Variants in EEPD1 observed in about 807,000 individuals in gnomAD.
The protein encoded by EEPD1 is endonuclease/exonuclease/phosphatase family domain containing 1, also known as endonuclease/exonuclease/phosphatase family domain-containing protein 1.
Under a neutral mutation model 46.3 loss-of-function variants are expected in EEPD1, and 17 were observed. The ratio of observed to expected loss-of-function variants is 0.37; its 90% CI spans 0.25 to 0.55. EEPD1 has a LOEUF of 0.55. EEPD1 is among the 20% of genes least tolerant of loss of function. The pLI, the probability that EEPD1 is intolerant of heterozygous loss-of-function variation, is 0.83. For missense variants in EEPD1, 673 were observed against 745.6 expected (o/e 0.90, Z 1.13); for synonymous variants, 313 against 315.6 (o/e 0.99, Z 0.09).
intron 2 of EEPD1, among the ~76,000 whole-genome samples, chr7:36,200,488 C>A (rs1044073555): frequency 6.6e-6 from 1 of 152,124 alleles, no homozygotes; most frequent in Non-Finnish European, 1.5e-5. Flanking sequence ...GTATTTTCTC[C>A]TGCATCACAT....
rs1785186201 is a variant in EEPD1 at position 36,176,700 on chromosome 7, GTATAT to G, written c.878+21500_878+21504del. 2.0e-5 allele frequency among the ~76,000 whole-genome samples: 3 copies of G among 152,078 alleles called. No homozygotes were observed. The South Asian group carries it at 6.2e-4, about 32-fold the overall frequency. On this transcript the variant is annotated intron_variant, in intron 2 of 7. Coordinates refer to ENST00000242108, the MANE Select transcript of EEPD1 (RefSeq NM_030636.3). Reference sequence around the variant, plus strand: ...AGAAACATCTATAATTAAAAAGATAGTATATTGACTTCAGATCATGCTAACTTGAT... The same window carrying G: ...AGAAACATCTATAATTAAAAAGATAGTGACTTCAGATCATGCTAACTTGAT...
intron 2 of EEPD1, among the ~76,000 whole-genome samples, chr7:36,160,682 G>GGGA (rs1491231073): frequency 7.1e-6 from 1 of 139,944 alleles, no homozygotes; most frequent in African/African-American, 2.6e-5. Context: ...GTGGTGGGGG[G>GGGA]CGGGGCGTGC....
rs145065301 is a variant in EEPD1, at chr7:36,195,460, C to T, written c.878+40258C>T. On this transcript the variant is annotated intron_variant, in intron 2 of 7. Coordinates refer to ENST00000242108, the MANE Select transcript of EEPD1 (RefSeq NM_030636.3). ...GTAGAGAAAGCCATCAGAGAAGGCC[C>T]GACACCTTTATAAACTGAGTTTCTA... Among the ~76,000 whole-genome samples, 42 of 152,216 alleles carry T rather than the reference C, an allele frequency of 2.8e-4. No homozygotes were observed. The East Asian group carries it at 5.6e-3, about 20-fold the overall frequency.
At chr7:36,255,767 A>C (rs1313087206) in intron 3 of EEPD1, among the ~76,000 whole-genome samples, 1 of 152,048 alleles carries the variant, frequency 6.6e-6, no homozygotes, top group East Asian at 1.9e-4. Flanking sequence ...TAATCTTTTC[A>C]AAAAACCAGC....
chr7:36,293,449 A>C (rs1787479086), intron 6 of EEPD1, among the ~76,000 whole-genome samples: 1 of 152,278 alleles, frequency 6.6e-6, no homozygotes, highest in Admixed American at 6.5e-5. Flanking sequence ...AGGCCACCGG[A>C]GATGCTAAAT....
At chr7:36,241,380 G>A (rs1786551305) in intron 3 of EEPD1, among the ~76,000 whole-genome samples, 1 of 152,130 alleles carries the variant, frequency 6.6e-6, no homozygotes, top group South Asian at 2.1e-4. Context: ...GGCGGAAGCA[G>A]GAGAATTCCT....
At position 36,156,275 on chromosome 7, in the gene EEPD1, C is replaced by T. The variant is rs144924521; in HGVS notation, c.878+1073C>T. Among the ~76,000 whole-genome samples the T allele has an allele frequency of 4.2e-3, 637 of 152,242 alleles. 6 individuals carry two copies. The highest frequency in any genetic ancestry group is 0.015 in the African/African-American group (607 of 41,530). ...CCAGGAAAATTAGTGAGGAGAAAAG[C>T]AGGTCACAACGTTTCCTTGGCACTG... On this transcript the variant is annotated intron_variant, in intron 2 of 7. Coordinates refer to ENST00000242108, the MANE Select transcript of EEPD1 (RefSeq NM_030636.3).
intron 2 of EEPD1, among the ~76,000 whole-genome samples, chr7:36,167,565 C>G (rs1374577122): frequency 6.6e-6 from 1 of 152,126 alleles, no homozygotes; most frequent in Non-Finnish European, 1.5e-5. Context: ...GCCTTCTACA[C>G]TGCCACCCCC....
intron 2 of EEPD1, among the ~76,000 whole-genome samples, chr7:36,171,735 A>G (rs547107168): frequency 3.2e-4 from 49 of 152,298 alleles, no homozygotes; most frequent in African/African-American, 1.2e-3. Context: ...AAGTGTACCT[A>G]TATATACAGT....
At chr7:36,171,590 G>C (rs2115629258) in intron 2 of EEPD1, among the ~76,000 whole-genome samples, 1 of 152,336 alleles carries the variant, frequency 6.6e-6, no homozygotes, top group Admixed American at 6.5e-5. Flanking sequence ...ACATATGTCT[G>C]TACGTGTCTC....
chr7:36,245,736 G>GT (rs1424966986), intron 3 of EEPD1, among the ~76,000 whole-genome samples: 1 of 152,238 alleles, frequency 6.6e-6, no homozygotes, highest in Non-Finnish European at 1.5e-5. Context: ...TCTAAGATGT[G>GT]TGAGTGTCAG....
At chr7:36,175,071 A>G (rs923200114) in intron 2 of EEPD1, among the ~76,000 whole-genome samples, 51 of 152,222 alleles carry the variant, frequency 3.4e-4, no homozygotes, top group Non-Finnish European at 1.2e-4. Context: ...TTATTTGACC[A>G]TGGTTTAAAC....
At chr7:36,219,775 AAGAGAGAGAGAG>A (rs752270283) in intron 2 of EEPD1, among the ~76,000 whole-genome samples, 22 of 119,008 alleles carry the variant, frequency 1.8e-4, no homozygotes, top group African/African-American at 6.3e-4. Context: ...GAGAGAGAGA[AAGAGAGAGAGAG>A]AGAGAGAGAG....
chr7:36,177,875 G>C (rs997827182), intron 2 of EEPD1, among the ~76,000 whole-genome samples: 1 of 152,022 alleles, frequency 6.6e-6, no homozygotes, highest in Non-Finnish European at 1.5e-5. Flanking sequence ...CTCCATGCCC[G>C]GCTATGTTTT....
Position 36,299,419 on chromosome 7 carries a change from A to C in EEPD1, c.*213A>C, listed in dbSNP as rs1017583105. On this transcript the variant is annotated 3_prime_UTR_variant, in exon 8 of 8. Transcript: ENST00000242108. ...GCGTACCCCACCAGGTGGGCAAAGC[A>C]GAAACCTGCGGGGAGCGGAGACGCC... is the stretch of plus-strand genomic sequence containing the variant. 1.6e-6 allele frequency: 1 copy of C among 620,986 alleles called. No individual in the cohort carries two copies. Among genetic ancestry groups the C allele is most frequent in the Non-Finnish European group, 2.8e-6 (1 of 359,888 alleles). The allele number at this position is 620,986 out of a possible 1,614,324, so 38.5% of individuals were successfully genotyped here. A position where few individuals can be genotyped will look rare whatever the true frequency, so the allele number is the denominator to read the frequency against.
chr7:36,159,362 G>C (rs960617876), intron 2 of EEPD1, among the ~76,000 whole-genome samples: 1 of 152,196 alleles, frequency 6.6e-6, no homozygotes, highest in African/African-American at 2.4e-5. Context: ...GGCTCACCCT[G>C]GGAGGTTGAA....
intron 2 of EEPD1, among the ~76,000 whole-genome samples, chr7:36,177,689 A>G (rs1288017112): frequency 6.6e-6 from 1 of 151,800 alleles, no homozygotes; most frequent in Non-Finnish European, 1.5e-5. Flanking sequence ...ATTCCATGGC[A>G]TCTTATTTGC....
Position 36,172,079 on chromosome 7 carries a change from T to C in EEPD1, c.878+16877T>C, listed in dbSNP as rs1269452118. Among the ~76,000 whole-genome samples the C allele has an allele frequency of 3.3e-5, 5 of 152,358 alleles. No homozygotes were observed. The South Asian group carries it at 6.2e-4, about 19-fold the overall frequency. On this transcript the variant is annotated intron_variant, in intron 2 of 7. Coordinates refer to ENST00000242108, the MANE Select transcript of EEPD1 (RefSeq NM_030636.3). ...TGTCTTGTCAGTGTATTTCACTTTCTTGGGGACTCAGGGCTCTTCTGTCTT... is the reference window on the plus strand; with the variant it reads ...TGTCTTGTCAGTGTATTTCACTTTCCTGGGGACTCAGGGCTCTTCTGTCTT...
intron 4 of EEPD1, among the ~76,000 whole-genome samples, chr7:36,283,396 G>A (rs1289282976): frequency 6.6e-6 from 1 of 152,160 alleles, no homozygotes; most frequent in African/African-American, 2.4e-5. Flanking sequence ...GGGCCATCGG[G>A]GAGCCCCTGA....
Sources: gnomAD v4.1 joint callset for allele counts (sites outside exome capture counted in the v4.1 genomes callset) on GRCh38, gnomAD v4.1.1 for gene constraint, MANE v1.5 for transcripts, NCBI Gene and HGNC (gene_info 2026-07-23, HGNC 2026-07-21) for gene names.